Variants in PTPRR observed in about 807,000 individuals in gnomAD.
PTPRR encodes the protein protein tyrosine phosphatase receptor type R.
Under a neutral mutation model 77.2 loss-of-function variants are expected in PTPRR, and 38 were observed. That is an observed-to-expected ratio of 0.49 (90% CI 0.38 to 0.65). The LOEUF is 0.65. Among genes scored for constraint, PTPRR ranks in the 30% least tolerant of loss-of-function variants. The pLI, the probability that PTPRR is intolerant of heterozygous loss-of-function variation, is 0.00. For synonymous variants in PTPRR, 299 were observed against 283.1 expected (o/e 1.06, Z -0.57); for missense variants, 744 against 799.2 (o/e 0.93, Z 0.83).
chr12:70,833,134 A>G (rs971313773), intron 2 of PTPRR, among the ~76,000 whole-genome samples: 2 of 152,110 alleles, frequency 1.3e-5, no homozygotes, highest in Non-Finnish European at 2.9e-5. Context: ...TCAACATGAG[A>G]TTTGGAGGGA....
intron 6 of PTPRR, among the ~76,000 whole-genome samples, chr12:70,723,523 C>T (rs568694272): frequency 1.8e-3 from 275 of 152,114 alleles, no homozygotes; most frequent in Non-Finnish European, 2.9e-3. Context: ...TGCATTATAG[C>T]GACTTGGTTT....
intron 2 of PTPRR, among the ~76,000 whole-genome samples, chr12:70,857,841 T>C (rs1892679613): frequency 6.6e-6 from 1 of 152,070 alleles, no homozygotes; most frequent in African/African-American, 2.4e-5. Flanking sequence ...TTTGACAATA[T>C]ACTGCAAGGC....
chr12:70,761,795 T>A (rs975368187), intron 3 of PTPRR, among the ~76,000 whole-genome samples, 169 bp from the exon 4 acceptor site: 9 of 152,186 alleles, frequency 5.9e-5, no homozygotes, highest in African/African-American at 1.9e-4. Context: ...ATGTTACCAG[T>A]CCAAAGTCTA....
intron 6 of PTPRR, among the ~76,000 whole-genome samples, chr12:70,735,501 C>T (rs1211253888): frequency 2.6e-5 from 4 of 152,146 alleles, no homozygotes; most frequent in Admixed American, 1.3e-4. Flanking sequence ...CCCCATGATT[C>T]AGTTACCTCC....
intron 4 of PTPRR, chr12:70,754,607 C>G (rs1890512497): frequency 6.3e-7 from 1 of 1,597,802 alleles, no homozygotes; most frequent in African/African-American, 1.3e-5. Context: ...TAAGAGAGTT[C>G]TGTTCTTTTC....
chr12:70,638,989 A>T lies in PTPRR; in HGVS notation c.*195T>A, dbSNP rs1477036226. ...AAAAACCTTCAGAATAATTTGGGGG[A>T]TGCTTACAAATGCATTCATATACAC... On this transcript the variant is annotated 3_prime_UTR_variant, in exon 14 of 14. Transcript: ENST00000283228. 2 of 577,062 alleles carry T rather than the reference A, an allele frequency of 3.5e-6. No individual in the cohort carries two copies. Among genetic ancestry groups the T allele is most frequent in the Admixed American group, 6.3e-5 (2 of 31,958 alleles). 35.7% of individuals were successfully genotyped at this position (577,062 alleles called of 1,614,324 possible).
chr12:70,734,068 C>G (rs79904330), intron 6 of PTPRR, among the ~76,000 whole-genome samples: 15 of 152,200 alleles, frequency 9.9e-5, no homozygotes, highest in Non-Finnish European at 2.1e-4. Flanking sequence ...CAGAACTGGT[C>G]GCTCTTAAAA....
intron 1 of PTPRR, among the ~76,000 whole-genome samples, chr12:70,916,281 G>A (rs1182404383): frequency 1.3e-5 from 2 of 152,094 alleles, no homozygotes; most frequent in African/African-American, 4.8e-5. Flanking sequence ...CAGTATGAAA[G>A]GGTGAGTGCC....
At chr12:70,766,228 G>T (rs1890818554) in intron 2 of PTPRR, among the ~76,000 whole-genome samples, 2 of 152,170 alleles carry the variant, frequency 1.3e-5, no homozygotes, top group Non-Finnish European at 2.9e-5. Flanking sequence ...GCTACAGGAG[G>T]AAATTCAAAC....
intron 1 of PTPRR, among the ~76,000 whole-genome samples, chr12:70,906,610 C>T (rs1192059298): frequency 6.6e-6 from 1 of 151,930 alleles, no homozygotes; most frequent in African/African-American, 2.4e-5. Context: ...GGATAACCTC[C>T]CAAAATACAA....
At chr12:70,875,494 C>A (rs1234200356) in intron 2 of PTPRR, among the ~76,000 whole-genome samples, 2 of 151,794 alleles carry the variant, frequency 1.3e-5, no homozygotes, top group South Asian at 2.1e-4. Flanking sequence ...AAATGTCAAA[C>A]AAAAATGGCT....
intron 2 of PTPRR, among the ~76,000 whole-genome samples, chr12:70,872,660 A>G (rs565133705): frequency 9.4e-4 from 127 of 134,746 alleles, no homozygotes; most frequent in African/African-American, 3.4e-3. Context: ...GCACCACTGC[A>G]CTCCAATCTG....
intron 6 of PTPRR, among the ~76,000 whole-genome samples, chr12:70,706,013 CTACTT>C (rs1888605791): frequency 6.7e-6 from 1 of 149,700 alleles, no homozygotes; most frequent in Admixed American, 6.8e-5. Context: ...TAGAATAACT[CTACTT>C]AAACAGAATG....
intron 6 of PTPRR, among the ~76,000 whole-genome samples, chr12:70,729,922 G>A (rs1023857299): frequency 8.9e-5 from 13 of 146,186 alleles, no homozygotes; most frequent in African/African-American, 1.7e-4. Flanking sequence ...GGATTTTGAC[G>A]TTCTAATGTC....
chr12:70,893,815 A>C (rs1000672812), intron 1 of PTPRR, among the ~76,000 whole-genome samples: 2 of 152,060 alleles, frequency 1.3e-5, no homozygotes, highest in South Asian at 2.1e-4. Context: ...CCAACCTCAC[A>C]GTTCCCACTC....
At position 70,761,498 on chromosome 12, in the gene PTPRR, C is replaced by T. The variant is rs1421059786; in HGVS notation, c.600G>A (p.Gln200=). 2 of 1,607,692 alleles carry T rather than the reference C, an allele frequency of 1.2e-6. No homozygotes were observed. The highest frequency in any genetic ancestry group is 1.3e-5 in the African/African-American group (1 of 74,808). The change falls in exon 4 of 14, where the codon CAG becomes CAA. Residue 200 remains glutamine (Q), a synonymous_variant. Transcript: ENST00000283228. ...NINVLHQSLS[Q]FGITEVSPEK... Reference sequence around the variant, plus strand: ...CAGGAGAGACTTCTGTAATTCCAAACTGGGATAAACTTTGATGCAAAACAT... The same window carrying T: ...CAGGAGAGACTTCTGTAATTCCAAATTGGGATAAACTTTGATGCAAAACAT...
At position 70,704,471 on chromosome 12, in the gene PTPRR, A is replaced by G. The variant is rs142319302; in HGVS notation, c.1008-3148T>C. Reference sequence around the variant, plus strand: ...TAAATAACGAAAAAAAAAGCCAGATAAAAGAGGATCCAGAACATCATCAGG... The same window carrying G: ...TAAATAACGAAAAAAAAAGCCAGATGAAAGAGGATCCAGAACATCATCAGG... On this transcript the variant is annotated intron_variant, in intron 6 of 13. Coordinates refer to ENST00000283228, the MANE Select transcript of PTPRR (RefSeq NM_002849.4). Among the ~76,000 whole-genome samples the G allele has an allele frequency of 4.9e-4, 74 of 152,096 alleles. 1 individual carries two copies. In the East Asian group the frequency reaches 0.014, roughly 28 times the overall value.
At chr12:70,719,700 G>C (rs1020918998) in intron 6 of PTPRR, among the ~76,000 whole-genome samples, 4 of 152,270 alleles carry the variant, frequency 2.6e-5, no homozygotes, top group Admixed American at 2.6e-4. Flanking sequence ...CGGGCGCCCA[G>C]CTGGAAACCC....
At chr12:70,813,447 A>G (rs576163632) in intron 2 of PTPRR, among the ~76,000 whole-genome samples, 1 of 152,342 alleles carries the variant, frequency 6.6e-6, no homozygotes, top group East Asian at 1.9e-4. Context: ...GAAATCATAT[A>G]TTCATCTCCT....
Sources: gnomAD v4.1 joint callset for allele counts (sites outside exome capture counted in the v4.1 genomes callset) on GRCh38, gnomAD v4.1.1 for gene constraint, MANE v1.5 for transcripts, NCBI Gene and HGNC (gene_info 2026-07-23, HGNC 2026-07-21) for gene names.